Variants in GLYATL2 observed in about 807,000 individuals in gnomAD.
The protein encoded by GLYATL2 is glycine N-acyltransferase-like protein 2.
In GLYATL2, 25 loss-of-function variants were observed where a neutral mutation model predicts 21.4. That is an observed-to-expected ratio of 1.17 (90% CI 0.85 to 1.63). The LOEUF (loss-of-function observed/expected upper bound fraction) is 1.63. Ranked by LOEUF, GLYATL2 falls within the 40% of genes most tolerant of loss-of-function variation. The probability of loss-of-function intolerance (pLI) is 0.00; values close to 1 mark genes in which losing one functional copy is unlikely to be tolerated. For synonymous variants in GLYATL2, 114 were observed against 118.2 expected (o/e 0.96, Z 0.23); for missense variants, 361 against 343.3 (o/e 1.05, Z -0.41).
chr11:58,839,083 C>G (rs530622415), intron 2 of GLYATL2, among the ~76,000 whole-genome samples: 87 of 152,182 alleles, frequency 5.7e-4, no homozygotes, highest in African/African-American at 2.1e-3. Flanking sequence ...TGGTATATGG[C>G]AGGAGAATGT....
chr11:58,874,426 A>G (rs1590739264), intron 1 of GLYATL2, among the ~76,000 whole-genome samples: 1 of 152,298 alleles, frequency 6.6e-6, no homozygotes, highest in East Asian at 1.9e-4. Context: ...ATGGGCATTT[A>G]GTGCTATAAA....
At chr11:58,849,066 C>T (rs2134584986), upstream of GLYATL2, among the ~76,000 whole-genome samples, 1 of 152,228 alleles carries the variant, frequency 6.6e-6, no homozygotes, top group South Asian at 2.1e-4. Flanking sequence ...GGAAAAATAC[C>T]TTTTACCCTA....
upstream of GLYATL2, among the ~76,000 whole-genome samples, chr11:58,846,166 T>C (rs948200887): frequency 6.6e-6 from 1 of 152,176 alleles, no homozygotes; most frequent in Non-Finnish European, 1.5e-5. Context: ...AAACTGTGGA[T>C]AGTTGAGAGA....
chr11:58,881,446 A>T (rs1278470900), intron 1 of GLYATL2, among the ~76,000 whole-genome samples: 1 of 151,676 alleles, frequency 6.6e-6, no homozygotes, highest in Admixed American at 6.6e-5. Flanking sequence ...AAAATTATTC[A>T]TTTTTTTTTA....
At chr11:58,896,065 C>G (rs951631976) in intron 1 of GLYATL2, among the ~76,000 whole-genome samples, 11 of 152,086 alleles carry the variant, frequency 7.2e-5, no homozygotes, top group Non-Finnish European at 1.5e-5. Flanking sequence ...CCAACTTGGC[C>G]AGGCTTGTCT....
At position 58,834,638 on chromosome 11, in the gene GLYATL2, C is replaced by T; in HGVS notation, c.676G>A (p.Gly226Ser). ...VMEQSCELRM[G>S]YTVPKYRHQG... ...TGTCTGTATTTGGGGACAGTATAAC[C>T]CATTCTCAACTCACAGGACTGTTCC... The change falls in exon 6 of 6, where the codon GGT (glycine) becomes AGT (serine). Residue 226 changes from glycine to serine, a missense_variant. Transcript: ENST00000287275. 3 of 1,613,368 alleles carry T rather than the reference C, an allele frequency of 1.9e-6. No homozygotes were observed. The highest frequency in any genetic ancestry group is 1.7e-6 in the Non-Finnish European group (2 of 1,179,822).
At chr11:58,892,852 G>A (rs1854568769) in intron 1 of GLYATL2, 1 of 321,052 alleles carries the variant, frequency 3.1e-6, no homozygotes, top group Non-Finnish European at 6.2e-6. Flanking sequence ...ACAAAAACAG[G>A]TGCTTATCAT....
chr11:58,878,810 T>G (rs1345298931), intron 1 of GLYATL2, among the ~76,000 whole-genome samples: 1 of 152,202 alleles, frequency 6.6e-6, no homozygotes, highest in African/African-American at 2.4e-5. Flanking sequence ...CAGTGAAGTC[T>G]TACAGAAATG....
chr11:58,876,469 T>C (rs1854235170), intron 1 of GLYATL2, among the ~76,000 whole-genome samples: 1 of 152,190 alleles, frequency 6.6e-6, no homozygotes, highest in Non-Finnish European at 1.5e-5. Flanking sequence ...GGGTTTTTGG[T>C]GTGGATGTCC....
intron 1 of GLYATL2, among the ~76,000 whole-genome samples, chr11:58,858,596 G>C (rs1382931689): frequency 6.6e-6 from 1 of 152,096 alleles, no homozygotes; most frequent in African/African-American, 2.4e-5. Flanking sequence ...GAATTCTCTA[G>C]TGATCTGAAG....
chr11:58,863,594 G>A (rs1328326146), intron 1 of GLYATL2, among the ~76,000 whole-genome samples: 1 of 152,196 alleles, frequency 6.6e-6, no homozygotes, highest in Non-Finnish European at 1.5e-5. Context: ...CCTAGGGCTG[G>A]GATGGGGTGG....
At chr11:58,872,594 T>C (rs1854144498) in intron 1 of GLYATL2, among the ~76,000 whole-genome samples, 1 of 152,266 alleles carries the variant, frequency 6.6e-6, no homozygotes, top group Non-Finnish European at 1.5e-5. Context: ...CAGATAGCTG[T>C]AGATATGCAT....
intron 1 of GLYATL2, among the ~76,000 whole-genome samples, chr11:58,882,313 G>C (rs1854353279): frequency 6.6e-6 from 1 of 152,180 alleles, no homozygotes; most frequent in Admixed American, 6.6e-5. Flanking sequence ...GTTTTGATTA[G>C]CATTTCTCTG....
chr11:58,896,198 C>T (rs1854632309), intron 1 of GLYATL2, among the ~76,000 whole-genome samples: 1 of 152,080 alleles, frequency 6.6e-6, no homozygotes, highest in Admixed American at 6.6e-5. Flanking sequence ...CGACATGGCA[C>T]CTGCCAGGTA....
At chr11:58,856,416 T>G (rs1853828388) in intron 1 of GLYATL2, among the ~76,000 whole-genome samples, 2 of 152,212 alleles carry the variant, frequency 1.3e-5, no homozygotes, top group African/African-American at 4.8e-5. Flanking sequence ...TTAATTTCCT[T>G]CAAAGATTTT....
rs542712370 is a variant in GLYATL2 at position 58,866,322 on chromosome 11, T to C, written n.61-27954A>G. 1.3e-5 allele frequency among the ~76,000 whole-genome samples: 2 copies of C among 149,132 alleles called. 1 individual carries two copies. Among genetic ancestry groups the C allele is most frequent in the East Asian group, 4.5e-4 (2 of 4,450 alleles). ...TGACCCAAAAGTACCTGTGTTTACT[T>C]GGCTCCTCTATGCCTTCCCACCAGC... On this transcript the variant is annotated intron_variant and non_coding_transcript_variant, in intron 1 of 4. Coordinates refer to the GLYATL2 transcript ENST00000533636.
intron 1 of GLYATL2, among the ~76,000 whole-genome samples, chr11:58,869,553 G>A (rs768674408): frequency 2.0e-5 from 3 of 152,164 alleles, no homozygotes; most frequent in Admixed American, 6.6e-5. Flanking sequence ...TTACTATCTC[G>A]TGGCTAGAGT....
chr11:58,908,098 T>C (rs1166238047), upstream of GLYATL2: 1 of 152,376 alleles, frequency 6.6e-6, no homozygotes, highest in Non-Finnish European at 1.5e-5. Flanking sequence ...TGATCCTCTG[T>C]GCTCCTGTGG....
At chr11:58,898,573 G>GCCTGTAAT (rs1468055010) in intron 1 of GLYATL2, among the ~76,000 whole-genome samples, 2 of 151,378 alleles carry the variant, frequency 1.3e-5, no homozygotes, top group Admixed American at 1.3e-4. Flanking sequence ...AGTGACTGAC[G>GCCTGTAAT]CCTGTAATCC....
Sources: allele counts gnomAD v4.1 joint callset (sites outside exome capture counted in the v4.1 genomes callset), GRCh38; gene constraint gnomAD v4.1.1; transcripts MANE v1.5; gene names NCBI Gene and HGNC (gene_info 2026-07-23, HGNC 2026-07-21).